Variants in SDK2 observed in about 807,000 individuals in gnomAD.
SDK2 encodes the protein protein sidekick-2.
SDK2 carries 105 observed loss-of-function variants against 253.9 expected under a neutral mutation model. The observed-to-expected ratio is 0.41, with a 90% CI of 0.35 to 0.49. The LOEUF is 0.49. SDK2 is among the 20% of genes least tolerant of loss of function. The pLI is 0.06. For missense variants in SDK2, 2,608 were observed against 3,003.0 expected (o/e 0.87, Z 3.07); for synonymous variants, 1,249 against 1,234.9 (o/e 1.01, Z -0.24).
intron 36 of SDK2, among the ~76,000 whole-genome samples, chr17:73,373,020 C>T (rs79006788): frequency 0.014 from 2,108 of 152,290 alleles, 25 homozygotes; most frequent in Middle Eastern, 0.051. Context: ...GGACCTTCTC[C>T]CTATTTCCCT....
chr17:73,579,420 A>C (rs2045502008), intron 1 of SDK2, among the ~76,000 whole-genome samples: 1 of 152,128 alleles, frequency 6.6e-6, no homozygotes, highest in Non-Finnish European at 1.5e-5. Context: ...AGCACCCTGC[A>C]TCCTCTTACT....
At chr17:73,588,197 A>T in intron 1 of SDK2, among the ~76,000 whole-genome samples, 1 of 130,912 alleles carries the variant, frequency 7.6e-6, no homozygotes, top group Non-Finnish European at 1.6e-5. Flanking sequence ...ACATGGAGAG[A>T]CCCCCCCCCC....
chr17:73,360,394 G>A (rs532612806), intron 39 of SDK2, among the ~76,000 whole-genome samples: 1 of 152,326 alleles, frequency 6.6e-6, no homozygotes, highest in African/African-American at 2.4e-5. Flanking sequence ...AATTGGGACT[G>A]CTGGGGAGGG....
chr17:73,422,271 G>A lies in SDK2; in HGVS notation c.2045+16C>T, dbSNP rs769409729. ...GGAGTCCTGGCGACGCCCCTGTAGA[G>A]CGCCAGTGCCCTCACCTCTCGGTGT... is the stretch of plus-strand genomic sequence containing the variant. On this transcript the variant is annotated intron_variant, in intron 15 of 44. Transcript: ENST00000392650. The A allele has an allele frequency of 2.5e-6, 4 of 1,613,086 alleles. No homozygotes were observed. The African/African-American group carries it at 5.3e-5, about 22-fold the overall frequency.
intron 36 of SDK2, among the ~76,000 whole-genome samples, chr17:73,375,054 C>A (rs147226038): frequency 2.6e-5 from 4 of 151,972 alleles, no homozygotes; most frequent in Admixed American, 1.3e-4. Context: ...TCTCCCATTG[C>A]GCTCCCTGGA....
Position 73,379,260 on chromosome 17 carries a change from G to A in SDK2, c.4897C>T (p.His1633Tyr). The A allele has an allele frequency of 6.4e-7, 1 of 1,555,732 alleles. No individual in the cohort carries two copies. The highest frequency in any genetic ancestry group is 1.2e-5 in the South Asian group (1 of 84,294). ...PTAAPRNVVV[H>Y]GATATQLDVT... ...TCCAGCTGTGTGGCCGTGGCGCCGT[G>A]GACGACCACGTTACGAGGTGCTGCT... The change falls in exon 36 of 45, where the codon CAC becomes TAC. Residue 1633 changes from histidine to tyrosine, a missense_variant. Physicochemically the swap from His to Tyr is moderately conservative, Grantham distance 83. Around this residue, in one of 2 missense-constraint regions of SDK2, gnomAD observed 1,103 missense variants for 1,143.9 expected, o/e 0.96. Coordinates refer to ENST00000392650, the MANE Select transcript of SDK2 (RefSeq NM_001144952.2). This position sits in a 1 kb window ranked among gnomAD's most constrained non-coding sequence, Gnocchi z 4.5.
Position 73,447,826 on chromosome 17 carries a change from A to G in SDK2, c.480-78T>C. On this transcript the variant is annotated intron_variant, in intron 4 of 44. Coordinates refer to ENST00000392650, the MANE Select transcript of SDK2 (RefSeq NM_001144952.2). This position sits in a 1 kb window ranked among gnomAD's most constrained non-coding sequence, Gnocchi z 4.0. The stretch of plus-strand genomic sequence containing the variant: ...CCAGGGAGTGGGAGTGGAAACCCTA[A>G]GGGGGAAGCCCGACCATATCTCCCA... The G allele has an allele frequency of 1.3e-6, 2 of 1,519,604 alleles. No homozygotes were observed. Among genetic ancestry groups the G allele is most frequent in the Non-Finnish European group, 1.8e-6 (2 of 1,121,260 alleles). The allele number at this position is 1,519,604 out of a possible 1,614,324, so 94.1% of individuals were successfully genotyped here.
intron 1 of SDK2, among the ~76,000 whole-genome samples, chr17:73,526,284 G>A (rs552606121): frequency 2.0e-5 from 3 of 152,286 alleles, no homozygotes; most frequent in South Asian, 2.1e-4. Flanking sequence ...AGATGTGGCC[G>A]GCCAGCACAG....
At chr17:73,392,478 A>G (rs1473613622) in intron 27 of SDK2, among the ~76,000 whole-genome samples, 1 of 152,046 alleles carries the variant, frequency 6.6e-6, no homozygotes, top group East Asian at 1.9e-4. Context: ...CATGTTGGCC[A>G]GGCTGGTCTT....
chr17:73,506,493 A>ATG (rs2145758185), intron 2 of SDK2, among the ~76,000 whole-genome samples: 1 of 152,016 alleles, frequency 6.6e-6, no homozygotes, highest in East Asian at 1.9e-4. Context: ...TGGCCTCCGC[A>ATG]CTCCCTAAAG....
In SDK2 at chr17:73,338,613, T is replaced by C. The variant is rs1309222298; in HGVS notation, c.6493A>G (p.Ile2165Val). The C allele has an allele frequency of 2.0e-6, 3 of 1,526,286 alleles. No homozygotes were observed. The highest frequency in any genetic ancestry group is 2.3e-5 in the East Asian group (1 of 44,206). The allele number at this position is 1,526,286 out of a possible 1,614,324, so 94.5% of individuals were successfully genotyped here. The change falls in exon 45 of 45, where the codon ATA becomes GTA. Residue 2165 changes from isoleucine to valine, a missense_variant. Transcript: ENST00000392650. The surrounding 1 kb of genome is among the most constrained non-coding windows in gnomAD (Gnocchi z 5.0). Reference protein sequence around the residue: ...SSLAPGSRAPIAGFSSFV With the variant: ...SSLAPGSRAPVAGFSSFV Reference sequence around the variant, plus strand: ...CAAACAAATGATGAAAATCCTGCTATGGGAGCCCGGGAGCCTGGGGCCAGG... The same window carrying C: ...CAAACAAATGATGAAAATCCTGCTACGGGAGCCCGGGAGCCTGGGGCCAGG...
At chr17:73,440,741 C>G in intron 6 of SDK2, 71 bp downstream of exon 6, 1 of 1,165,778 alleles carries the variant, frequency 8.6e-7, no homozygotes, top group Non-Finnish European at 1.3e-6. Context: ...GGCTGCTCTC[C>G]CTGGAGCCCG....
Position 73,481,008 on chromosome 17 carries a change from T to C in SDK2, c.225-8790A>G, listed in dbSNP as rs1397979270. Among the ~76,000 whole-genome samples, 1 of 152,158 alleles carries C rather than the reference T, an allele frequency of 6.6e-6. No individual in the cohort carries two copies. Among genetic ancestry groups the C allele is most frequent in the African/African-American group, 2.4e-5 (1 of 41,434 alleles). The stretch of plus-strand genomic sequence containing the variant: ...CACAGCCTGTTCTGTGGATGGTACT[T>C]GGGGAAGGATGCTGTGCTCCTGGCT... On this transcript the variant is annotated intron_variant, in intron 2 of 44. Coordinates refer to ENST00000392650, the MANE Select transcript of SDK2 (RefSeq NM_001144952.2). The surrounding 1 kb of genome is among the most constrained non-coding windows in gnomAD (Gnocchi z 4.5).
intron 1 of SDK2, among the ~76,000 whole-genome samples, chr17:73,578,728 G>T (rs1052869804): frequency 1.3e-5 from 2 of 152,132 alleles, no homozygotes; most frequent in Admixed American, 1.3e-4. Flanking sequence ...AGTGTGAGAG[G>T]CTGAGTTAGC....
chr17:73,488,879 GCA>G (rs1276072367), intron 2 of SDK2, among the ~76,000 whole-genome samples: 17 of 151,702 alleles, frequency 1.1e-4, no homozygotes, highest in Non-Finnish European at 2.4e-4. Context: ...GTTTTTTATC[GCA>G]CAGTTTGGCA....
rs759366008 is a variant in SDK2 at position 73,348,592 on chromosome 17, C to A, written c.6165+7G>T. 1.2e-6 allele frequency: 2 copies of A among 1,611,796 alleles called. No homozygotes were observed. The highest frequency in any genetic ancestry group is 2.2e-5 in the East Asian group (1 of 44,844). On this transcript the variant is annotated splice_region_variant and intron_variant, in intron 44 of 44. Coordinates refer to ENST00000392650, the MANE Select transcript of SDK2 (RefSeq NM_001144952.2). Reference sequence around the variant, plus strand: ...CCCTGCAGGACACCTGGCCCTCCTGCCCTCACCTGAGAGTCGGAGATTTCT... The same window carrying A: ...CCCTGCAGGACACCTGGCCCTCCTGACCTCACCTGAGAGTCGGAGATTTCT...
chr17:73,630,741 TC>T (rs2046258615), intron 1 of SDK2, among the ~76,000 whole-genome samples: 2 of 152,234 alleles, frequency 1.3e-5, no homozygotes, highest in South Asian at 4.1e-4. Flanking sequence ...GGCCTTGTGT[TC>T]GTCCCCACGC....
At chr17:73,514,751 G>A (rs922805028) in intron 1 of SDK2, among the ~76,000 whole-genome samples, 1 of 152,190 alleles carries the variant, frequency 6.6e-6, no homozygotes, top group Non-Finnish European at 1.5e-5. Flanking sequence ...GTCATCACGA[G>A]CTTCCCTGGA....
chr17:73,375,983 C>T (rs1256776708), intron 36 of SDK2, among the ~76,000 whole-genome samples: 1 of 151,680 alleles, frequency 6.6e-6, no homozygotes, highest in African/African-American at 2.4e-5. Flanking sequence ...ATCACGAAGT[C>T]AAGAGATTGA....
Sources: gnomAD v4.1 joint callset for allele counts (sites outside exome capture counted in the v4.1 genomes callset) on GRCh38, gnomAD v4.1.1 for gene constraint, gnomAD v4.1.1 regional missense constraint, Gnocchi (gnomAD v3.1) non-coding constraint, MANE v1.5 for transcripts, NCBI Gene and HGNC (gene_info 2026-07-23, HGNC 2026-07-21) for gene names.